The following OR6K3 variants were observed in gnomAD, a reference collection of about 807,000 sequenced individuals.
The protein encoded by OR6K3 is olfactory receptor family 6 subfamily K member 3.
For synonymous variants in OR6K3, 169 were observed against 137.7 expected, an observed-to-expected ratio of 1.23 and a Z score of -1.59; for missense variants, 396 against 382.5, an observed-to-expected ratio of 1.04 and a Z score of -0.29.
At chr1:158,719,649 A>T (rs916982823) in intron 1 of OR6K3, among the ~76,000 whole-genome samples, 5 of 152,036 alleles carry the variant, frequency 3.3e-5, no homozygotes, top group African/African-American at 9.7e-5. Context: ...CAGAAAAAAA[A>T]TTGCTAGCAT....
In OR6K3 at chr1:158,717,249, A is replaced by T; in HGVS notation, c.867T>A (p.Tyr289Ter). ...VLAPFFNPII[Y>*]SLRNKDMNNA... ...TGTTCATGTCCTTGTTTCTCAGGCT[A>T]TAAATGATGGGATTGAAGAATGGAG... The change falls in exon 2 of 2, where the codon TAT (tyrosine) becomes TAA (stop). Residue 289 changes from tyrosine to a stop codon, truncating the protein, a stop_gained. Coordinates refer to ENST00000368145, the MANE Select transcript of OR6K3 (RefSeq NM_001005327.3). LOFTEE classifies it low-confidence loss of function (END_TRUNC). 2 of 1,613,720 alleles carry T rather than the reference A, an allele frequency of 1.2e-6. No individual in the cohort carries two copies. The highest frequency in any genetic ancestry group is 1.7e-6 in the Non-Finnish European group (2 of 1,179,714).
rs927289020 is a variant in OR6K3 at position 158,717,023 on chromosome 1, C to A, written c.*145G>T. On this transcript the variant is annotated 3_prime_UTR_variant, in exon 2 of 2. Transcript: ENST00000368145. The stretch of plus-strand genomic sequence containing the variant: ...ATCGCGGCTACTAGGGAGGCTGAGG[C>A]AGGAGAATTGTTCAAAACCAGGAGG... The A allele has an allele frequency of 1.5e-5, 10 of 650,052 alleles. No individual in the cohort carries two copies. The Admixed American group carries it at 2.5e-4, about 16-fold the overall frequency. 40.3% of individuals were successfully genotyped at this position (650,052 alleles called of 1,614,324 possible). A position where few individuals can be genotyped will look rare whatever the true frequency, so the allele number is the denominator to read the frequency against.
rs566015146 is a variant in OR6K3 at position 158,717,590 on chromosome 1, G to C, written c.526C>G (p.Gln176Glu). 14 of 1,613,796 alleles carry C rather than the reference G, an allele frequency of 8.7e-6. No individual in the cohort carries two copies. The Admixed American group carries it at 1.2e-4, about 13-fold the overall frequency. ...LPFCGPNQIH[Q>E]IFCDLVPVLS... is the part of the protein sequence containing the mutation. ...ACAGGGACCAAGTCACAGAAGATCTGATGGATTTGGTTGGGCCCACAGAAA... is the reference window on the plus strand; with the variant it reads ...ACAGGGACCAAGTCACAGAAGATCTCATGGATTTGGTTGGGCCCACAGAAA... Residue 176 changes from glutamine (Q) to glutamate (E), a missense_variant, in exon 2 of 2, where the codon CAG (glutamine) becomes GAG (glutamate). Transcript: ENST00000368145.
upstream of OR6K3, chr1:158,724,365 G>A (rs1656341789): frequency 1.0e-5 from 2 of 194,250 alleles, no homozygotes. Flanking sequence ...CCTTCTGGCG[G>A]CCTTCAACAG....
upstream of OR6K3, among the ~76,000 whole-genome samples, chr1:158,723,953 A>C (rs563783414): frequency 1.3e-5 from 2 of 152,210 alleles, no homozygotes; most frequent in African/African-American, 4.8e-5. Context: ...AGTCCATGCT[A>C]TCTTAATTTG....
chr1:158,719,081 A>T (rs1656235913), intron 1 of OR6K3, among the ~76,000 whole-genome samples: 1 of 151,956 alleles, frequency 6.6e-6, no homozygotes, highest in South Asian at 2.1e-4. Context: ...GACACTTTTC[A>T]TTACTCCTGC....
At chr1:158,718,694 T>C (rs948123737) in intron 1 of OR6K3, among the ~76,000 whole-genome samples, 4 of 152,148 alleles carry the variant, frequency 2.6e-5, no homozygotes, top group African/African-American at 9.6e-5. Flanking sequence ...GCACATGCTC[T>C]TTGAAAATCT....
At position 158,718,096 on chromosome 1, in the gene OR6K3, G is replaced by T; in HGVS notation, c.20C>A (p.Ser7Ter). The T allele has an allele frequency of 6.2e-7, 1 of 1,611,392 alleles. No individual in the cohort carries two copies. Among genetic ancestry groups the T allele is most frequent in the Admixed American group, 1.7e-5 (1 of 59,838 alleles). Residue 7 changes from serine (S) to a stop codon, truncating the protein, a stop_gained, in exon 2 of 2, where the codon TCA becomes TAA. Transcript: ENST00000368145. LOFTEE classifies it low-confidence loss of function (END_TRUNC). The stretch of plus-strand genomic sequence containing the variant: ...AGTGAAGATAAATTCAGTCACTGTT[G>T]ATTGGTTTCCGCTCTCCATATTTCT... The part of the protein sequence containing the change: MESGNQ[S>*]TVTEFIFTGF...
intron 1 of OR6K3, among the ~76,000 whole-genome samples, chr1:158,720,166 C>A (rs1269043181): frequency 6.6e-6 from 1 of 151,986 alleles, no homozygotes; most frequent in Non-Finnish European, 1.5e-5. Context: ...TTTATTGAAG[C>A]GTTTGTCAGG....
rs748128044 is a variant in OR6K3 at position 158,717,725 on chromosome 1, G to A, written c.391C>T (p.Arg131Cys). Residue 131 changes from arginine to cysteine, a missense_variant, in exon 2 of 2, where the codon CGC (arginine) becomes TGC (cysteine). By Grantham distance (180) the Arg-to-Cys change is radical. Transcript: ENST00000368145. ...DRYVAICNPL[R>C]YQMIMTPRLC... ...CGGGGGGTCATGATCATTTGATAGC[G>A]AAGAGGGTTGCAGATGGCAACGTAT... 14 of 1,613,822 alleles carry A rather than the reference G, an allele frequency of 8.7e-6. No homozygotes were observed. Among genetic ancestry groups the A allele is most frequent in the Admixed American group, 5.0e-5 (3 of 59,972 alleles).
chr1:158,722,678 G>A (rs1331287122), upstream of OR6K3, among the ~76,000 whole-genome samples: 3 of 152,002 alleles, frequency 2.0e-5, no homozygotes, highest in Non-Finnish European at 4.4e-5. Context: ...CGGATCTCAT[G>A]TACTCATACC....
At chr1:158,719,577 C>T (rs978332189) in intron 1 of OR6K3, among the ~76,000 whole-genome samples, 3 of 152,040 alleles carry the variant, frequency 2.0e-5, no homozygotes, top group Admixed American at 1.3e-4. Context: ...CATATCTCTC[C>T]CTCCTCTGCC....
intron 1 of OR6K3, among the ~76,000 whole-genome samples, chr1:158,719,039 T>C (rs1440768453): frequency 3.3e-5 from 5 of 152,046 alleles, no homozygotes; most frequent in Non-Finnish European, 7.4e-5. Flanking sequence ...TGCTAATTAC[T>C]AATGGAAACT....
At chr1:158,720,289 G>A (rs189632018) in intron 1 of OR6K3, among the ~76,000 whole-genome samples, 54 of 151,982 alleles carry the variant, frequency 3.6e-4, no homozygotes, top group Middle Eastern at 3.4e-3. Flanking sequence ...ATGTAGAGAC[G>A]GTAGGTATCA....
rs1285469627 is a variant in OR6K3 at position 158,717,498 on chromosome 1, G to C, written c.618C>G (p.Ile206Met). 21 of 1,613,748 alleles carry C rather than the reference G, an allele frequency of 1.3e-5. No individual in the cohort carries two copies. The highest frequency in any genetic ancestry group is 1.8e-5 in the Non-Finnish European group (21 of 1,179,784). Residue 206 changes from isoleucine (I) to methionine (M), a missense_variant, in exon 2 of 2, where the codon ATC becomes ATG. Transcript: ENST00000368145. The part of the protein sequence containing the change: ...LIEDVIHAVT[I>M]IITFLIIALS... ...GGGCAATGATTAGGAAGGTAATGAT[G>C]ATGGTCACAGCATGAATCACATCCT...
chr1:158,724,402 A>T (rs1262254577), upstream of OR6K3: 1 of 224,242 alleles, frequency 4.5e-6, no homozygotes, highest in East Asian at 1.1e-4. Context: ...TACAGTGATG[A>T]TTCTGATATA....
Position 158,717,186 on chromosome 1 carries a change from C to T in OR6K3, c.930G>A (p.Leu310=), listed in dbSNP as rs767411401. The T allele has an allele frequency of 6.2e-7, 1 of 1,610,940 alleles. No homozygotes were observed. The highest frequency in any genetic ancestry group is 8.5e-7 in the Non-Finnish European group (1 of 1,178,156). Residue 310 remains leucine (L), a synonymous_variant, in exon 2 of 2, where the codon TTG becomes TTA. Transcript: ENST00000368145. ...IKKLFCLQKV[L]NKPGG ...CTCTGTATTAACCTCCAGGCTTGTT[C>T]AACACTTTTTGAAGACAGAACAGTT...
At position 158,717,550 on chromosome 1, in the gene OR6K3, CA is replaced by C; in HGVS notation, c.565del (p.Cys189ValfsTer6). ...AATCAGAATCATGGACGTGTCTGTA[CA>C]GGCCAGGCTTAGCACAGGGACCAAG... The part of the protein sequence containing the change: ...CDLVPVLSLA[C>X]TDTSMILIED... On this transcript the variant is annotated frameshift_variant, in exon 2 of 2. Transcript: ENST00000368145. LOFTEE classifies it low-confidence loss of function (END_TRUNC). 6.2e-7 allele frequency: 1 copy of C among 1,613,730 alleles called. No homozygotes were observed. Among genetic ancestry groups the C allele is most frequent in the East Asian group, 2.2e-5 (1 of 44,844 alleles).
chr1:158,717,019 G>C lies in OR6K3; in HGVS notation c.*149C>G, dbSNP rs1289470440. On this transcript the variant is annotated 3_prime_UTR_variant, in exon 2 of 2. Coordinates refer to ENST00000368145, the MANE Select transcript of OR6K3 (RefSeq NM_001005327.3). ...TGTAATCGCGGCTACTAGGGAGGCT[G>C]AGGCAGGAGAATTGTTCAAAACCAG... is the stretch of plus-strand genomic sequence containing the variant. The C allele has an allele frequency of 6.2e-6, 4 of 642,058 alleles. No homozygotes were observed. The East Asian group carries it at 1.1e-4, about 17-fold the overall frequency. 39.8% of individuals were successfully genotyped at this position (642,058 alleles called of 1,614,324 possible).
Sources: allele counts gnomAD v4.1 joint callset (sites outside exome capture counted in the v4.1 genomes callset), GRCh38; gene constraint gnomAD v4.1.1; transcripts MANE v1.5; gene names NCBI Gene and HGNC (gene_info 2026-07-23, HGNC 2026-07-21).